UQCC1: variants seen among roughly 807,000 people sequenced by gnomAD.
UQCC1 encodes the protein bFGF-repressed Zic-binding protein.
In UQCC1, 38 loss-of-function variants were observed where a neutral mutation model predicts 48.0. The ratio of observed to expected loss-of-function variants is 0.79; its 90% confidence interval spans 0.61 to 1.04. UQCC1 has a LOEUF of 1.04. UQCC1 is among the 50% of genes least tolerant of loss of function. UQCC1 has a pLI of 0.00. For missense variants in UQCC1, 368 were observed against 381.8 expected, an observed-to-expected ratio of 0.96 and a Z score of 0.30; for synonymous variants, 111 against 129.2, an observed-to-expected ratio of 0.86 and a Z score of 0.95.
intron 2 of UQCC1, among the ~76,000 whole-genome samples, chr20:35,385,881 A>T (rs1387620017): frequency 6.9e-6 from 1 of 145,912 alleles, no homozygotes; most frequent in African/African-American, 2.5e-5. Flanking sequence ...TTAGGCTCAT[A>T]GCAAAACTTC....
At chr20:35,366,811 A>G (rs2061672320) in intron 5 of UQCC1, among the ~76,000 whole-genome samples, 197 bp from the exon 6 acceptor site, 1 of 152,110 alleles carries the variant, frequency 6.6e-6, no homozygotes, top group African/African-American at 2.4e-5. Context: ...AGAAAAAAAA[A>G]GGATGGATGC....
intron 8 of UQCC1, among the ~76,000 whole-genome samples, chr20:35,310,644 C>CAAAAAAA (rs1199768843): frequency 2.3e-5 from 1 of 44,150 alleles, no homozygotes; most frequent in Non-Finnish European, 4.0e-5. Context: ...GACTCTGTCT[C>CAAAAAAA]AAAAAAAAAA....
chr20:35,384,966 C>CAAAAAAAAAAAAAAAAAAA (rs57141083), intron 2 of UQCC1, among the ~76,000 whole-genome samples: 5 of 69,748 alleles, frequency 7.2e-5, no homozygotes, highest in African/African-American at 2.5e-4. Flanking sequence ...GAATCGGTCT[C>CAAAAAAAAAAAAAAAAAAA]AAAAAAAAAA....
intron 1 of UQCC1, among the ~76,000 whole-genome samples, chr20:35,406,258 A>C (rs1364794716): frequency 6.6e-6 from 1 of 152,232 alleles, no homozygotes; most frequent in East Asian, 1.9e-4. Flanking sequence ...TTAGGAATCC[A>C]AGAAGCTCTA....
intron 6 of UQCC1, among the ~76,000 whole-genome samples, chr20:35,358,559 A>G (rs1437749007): frequency 6.6e-6 from 1 of 152,118 alleles, no homozygotes; most frequent in Non-Finnish European, 1.5e-5. Flanking sequence ...TACTCTGTTT[A>G]GGATCAAACT....
intron 6 of UQCC1, among the ~76,000 whole-genome samples, chr20:35,364,919 C>A (rs539995189): frequency 6.6e-6 from 1 of 152,306 alleles, no homozygotes; most frequent in South Asian, 2.1e-4. Flanking sequence ...TGAATATTAT[C>A]TTTGAGTTCC....
intron 1 of UQCC1, among the ~76,000 whole-genome samples, chr20:35,411,286 A>C (rs2062359876): frequency 6.6e-6 from 1 of 152,168 alleles, no homozygotes; most frequent in African/African-American, 2.4e-5. Context: ...GGTGCTAAAG[A>C]GTCTGGTAGT....
At chr20:35,338,576 G>A (rs2061338135) in intron 7 of UQCC1, among the ~76,000 whole-genome samples, 1 of 151,832 alleles carries the variant, frequency 6.6e-6, no homozygotes, top group Non-Finnish European at 1.5e-5. Flanking sequence ...GCCGGGCACG[G>A]GGGCTCATGC....
In UQCC1 at chr20:35,308,819, A is replaced by C. The variant is rs1355083965; in HGVS notation, c.652-2040T>G. Among the ~76,000 whole-genome samples, 3 of 152,262 alleles carry C rather than the reference A, an allele frequency of 2.0e-5. No individual in the cohort carries two copies. In the East Asian group the frequency reaches 5.8e-4, roughly 29 times the overall value. Reference sequence around the variant, plus strand: ...AACCTCTGCCTCCCAAGTTCAAGTGATTCTCTTGCCTCAGCCTCCCAAGTA... The same window carrying C: ...AACCTCTGCCTCCCAAGTTCAAGTGCTTCTCTTGCCTCAGCCTCCCAAGTA... On this transcript the variant is annotated intron_variant, in intron 8 of 9. Transcript: ENST00000374385.
At chr20:35,404,764 T>G (rs1270414064) in intron 1 of UQCC1, among the ~76,000 whole-genome samples, 2 of 151,836 alleles carry the variant, frequency 1.3e-5, no homozygotes, top group Non-Finnish European at 2.9e-5. Flanking sequence ...CAAGGCTGTC[T>G]TAGAACTCAC....
At chr20:35,379,573 G>A (rs2061842080) in intron 4 of UQCC1, among the ~76,000 whole-genome samples, 1 of 152,216 alleles carries the variant, frequency 6.6e-6, no homozygotes. Context: ...GGAGGCCAAG[G>A]CAGGCGGAAT....
intron 2 of UQCC1, among the ~76,000 whole-genome samples, chr20:35,387,431 C>T (rs2061958332): frequency 6.6e-6 from 1 of 152,092 alleles, no homozygotes; most frequent in Admixed American, 6.5e-5. Flanking sequence ...AGGGCACAGC[C>T]CATCTTATAT....
intron 7 of UQCC1, among the ~76,000 whole-genome samples, chr20:35,317,050 C>T (rs2061068809): frequency 6.6e-6 from 1 of 152,138 alleles, no homozygotes; most frequent in South Asian, 2.1e-4. Flanking sequence ...ATTCTCCTGC[C>T]TCAGCCTCCC....
intron 7 of UQCC1, among the ~76,000 whole-genome samples, chr20:35,318,053 G>C (rs1383722448): frequency 6.6e-6 from 1 of 152,180 alleles, no homozygotes; most frequent in African/African-American, 2.4e-5. Context: ...CACATGAGTT[G>C]TTCTCCTAAT....
intron 7 of UQCC1, among the ~76,000 whole-genome samples, chr20:35,343,245 C>CAA (rs2061399912): frequency 6.6e-6 from 1 of 151,542 alleles, no homozygotes; most frequent in South Asian, 2.1e-4. Context: ...CATAGATTTT[C>CAA]AAGCTGAAAA....
At chr20:35,347,397 C>CT (rs35481218) in intron 6 of UQCC1, 125 bp from the exon 7 acceptor site, 17,443 of 817,960 alleles carry the variant, frequency 0.021, no homozygotes, top group Non-Finnish European at 0.024. Flanking sequence ...TGGAAGTGAA[C>CT]TTTTTTTTTT....
intron 7 of UQCC1, among the ~76,000 whole-genome samples, chr20:35,328,031 TG>T (rs1394575159): frequency 6.9e-6 from 1 of 145,932 alleles, no homozygotes; most frequent in African/African-American, 2.5e-5. Context: ...AAAAAAAGCA[TG>T]GAACTGACAC....
At chr20:35,317,816 G>A (rs1406948) in intron 7 of UQCC1, among the ~76,000 whole-genome samples, 66,359 of 152,106 alleles carry the variant, frequency 0.44, 15,132 homozygotes, top group African/African-American at 0.56. Context: ...TAGTGTTTTA[G>A]GGGATTTTCT....
At chr20:35,368,197 G>C (rs916092551) in intron 5 of UQCC1, among the ~76,000 whole-genome samples, 2 of 152,132 alleles carry the variant, frequency 1.3e-5, no homozygotes, top group African/African-American at 4.8e-5. Flanking sequence ...ATAACAAAGA[G>C]GGGACACTAG....
Sources: gnomAD v4.1 joint callset for allele counts (sites outside exome capture counted in the v4.1 genomes callset) on GRCh38, gnomAD v4.1.1 for gene constraint, MANE v1.5 for transcripts, NCBI Gene and HGNC (gene_info 2026-07-23, HGNC 2026-07-21) for gene names.